STK33: variants seen among roughly 807,000 people sequenced by gnomAD.
The protein encoded by STK33 is serine/threonine kinase 33, also known as serine/threonine-protein kinase 33.
In STK33, 52 loss-of-function variants were observed where a neutral mutation model predicts 58.0. The ratio of observed to expected loss-of-function variants is 0.90; its 90% CI spans 0.72 to 1.13. STK33 has a LOEUF of 1.13. STK33 is among the 50% of genes most tolerant of loss of function. STK33 has a pLI of 0.00. For synonymous variants in STK33, 215 were observed against 200.1 expected (o/e 1.07, Z -0.63); for missense variants, 630 against 604.2 (o/e 1.04, Z -0.45).
At chr11:8,455,534 C>A (rs1355984744) in intron 9 of STK33, among the ~76,000 whole-genome samples, 1 of 152,088 alleles carries the variant, frequency 6.6e-6, no homozygotes, top group African/African-American at 2.4e-5. Flanking sequence ...CACGGCCAGG[C>A]GCAGTGGCTT....
chr11:8,510,222 T>TAAAAAA (rs1952201821), intron 1 of STK33, among the ~76,000 whole-genome samples: 1 of 152,256 alleles, frequency 6.6e-6, no homozygotes, highest in East Asian at 1.9e-4. Flanking sequence ...TATCTCATTG[T>TAAAAAA]GGTTTTAATT....
rs141415703 is a variant in STK33 at position 8,431,116 on chromosome 11, C to T, written c.1146+4378G>A. Among the ~76,000 whole-genome samples, 5 of 152,180 alleles carry T rather than the reference C, an allele frequency of 3.3e-5. No homozygotes were observed. The East Asian group carries it at 9.7e-4, about 29-fold the overall frequency. On this transcript the variant is annotated intron_variant, in intron 14 of 15. Coordinates refer to ENST00000687296, the MANE Select transcript of STK33 (RefSeq NM_001352389.2). ...TCCTGACCTTGTGATCCGCCTGCCT[C>T]GGCCTCCCAAAGTGCTGGGATTACA...
At chr11:8,471,941 T>C (rs539721797) in intron 6 of STK33, among the ~76,000 whole-genome samples, 7 of 152,300 alleles carry the variant, frequency 4.6e-5, no homozygotes, top group Admixed American at 1.3e-4. Context: ...TTTACTGTTT[T>C]TGGAGACAAG....
At chr11:8,463,512 G>A (rs76341793) in intron 7 of STK33, among the ~76,000 whole-genome samples, 348 of 152,218 alleles carry the variant, frequency 2.3e-3, no homozygotes, top group African/African-American at 8.0e-3. Flanking sequence ...AAGACCTGGG[G>A]GTTGGGGACC....
intron 1 of STK33, among the ~76,000 whole-genome samples, chr11:8,522,051 T>C (rs2139848246): frequency 6.6e-6 from 1 of 152,290 alleles, no homozygotes; most frequent in East Asian, 1.9e-4. Flanking sequence ...GCTCAACCAA[T>C]GTGGAAGACA....
intron 10 of STK33, among the ~76,000 whole-genome samples, chr11:8,453,425 C>T (rs1946513930): frequency 6.6e-6 from 1 of 152,076 alleles, no homozygotes; most frequent in Non-Finnish European, 1.5e-5. Flanking sequence ...CTTTTCTTTA[C>T]TATTGTTTCC....
At chr11:8,462,442 TAC>T (rs10635095) in intron 7 of STK33, among the ~76,000 whole-genome samples, 285 of 128,348 alleles carry the variant, frequency 2.2e-3, no homozygotes, top group Middle Eastern at 0.019. Flanking sequence ...TATACATATA[TAC>T]ACACACACAC....
At chr11:8,487,764 C>T (rs978247641) in intron 1 of STK33, among the ~76,000 whole-genome samples, 1 of 152,006 alleles carries the variant, frequency 6.6e-6, no homozygotes, top group African/African-American at 2.4e-5. Context: ...GCAAAAATGG[C>T]AGATTAAGGA....
At chr11:8,339,733 C>T in the STK33 span, among the ~76,000 whole-genome samples, 1 of 152,232 alleles carries the variant, frequency 6.6e-6, no homozygotes, top group Admixed American at 6.5e-5. Flanking sequence ...GTCACCTGGC[C>T]GTGGTCGCCA....
the STK33 span, among the ~76,000 whole-genome samples, chr11:8,353,580 T>A: frequency 6.6e-6 from 1 of 152,056 alleles, no homozygotes; most frequent in Non-Finnish European, 1.5e-5. Context: ...ACCTAGACAT[T>A]TAAGCCAAAA....
chr11:8,558,564 A>G lies in STK33; in HGVS notation c.-466+35519T>C, dbSNP rs1956920538. Among the ~76,000 whole-genome samples the G allele has an allele frequency of 1.3e-5, 2 of 152,176 alleles. 1 individual carries two copies. The highest frequency in any genetic ancestry group is 2.9e-5 in the Non-Finnish European group (2 of 68,018). On this transcript the variant is annotated intron_variant, in intron 1 of 15. Coordinates refer to ENST00000687296, the MANE Select transcript of STK33 (RefSeq NM_001352389.2). ...TTGAAAGACTGTAGTTTTTGAATTA[A>G]TCAAGGGTGCCAGAAAGAAGGTTAT...
At chr11:8,465,939 T>C (rs1948130506) in intron 6 of STK33, 2 of 152,566 alleles carry the variant, frequency 1.3e-5, no homozygotes, top group African/African-American at 4.8e-5. Flanking sequence ...ACATCTTACA[T>C]GGATGGAAGC....
chr11:8,340,531 C>A, the STK33 span, among the ~76,000 whole-genome samples: 1 of 152,242 alleles, frequency 6.6e-6, no homozygotes, highest in Non-Finnish European at 1.5e-5. Flanking sequence ...CTGTGATTAT[C>A]CTCTTCCCTT....
intron 11 of STK33, among the ~76,000 whole-genome samples, chr11:8,449,897 G>C (rs927637165): frequency 6.6e-6 from 1 of 152,156 alleles, no homozygotes; most frequent in African/African-American, 2.4e-5. Context: ...AAAAAGTCAG[G>C]AAACAACAGA....
chr11:8,435,664 T>C (rs1943972320), intron 13 of STK33, 85 bp from the exon 14 acceptor site: 2 of 706,172 alleles, frequency 2.8e-6, no homozygotes, highest in African/African-American at 1.8e-5. Context: ...ATTAGGTCAG[T>C]ATAACAGGAA....
intron 1 of STK33, among the ~76,000 whole-genome samples, chr11:8,501,826 T>A (rs1951536250): frequency 6.6e-6 from 1 of 152,156 alleles, no homozygotes; most frequent in Admixed American, 6.5e-5. Context: ...AGCTGATGAA[T>A]AAAGAAAACA....
At chr11:8,574,086 T>C (rs1034686896) in intron 1 of STK33, among the ~76,000 whole-genome samples, 2 of 152,180 alleles carry the variant, frequency 1.3e-5, no homozygotes, top group African/African-American at 2.4e-5. Context: ...AGTCCCTCAG[T>C]GGCCCCTCTC....
chr11:8,519,984 C>T (rs1953240302), intron 1 of STK33, among the ~76,000 whole-genome samples: 1 of 152,196 alleles, frequency 6.6e-6, no homozygotes, highest in Non-Finnish European at 1.5e-5. Context: ...TCCTCCCTAG[C>T]TCATTTTATG....
chr11:8,435,562 G>A lies in STK33; in HGVS notation c.1078C>T (p.Gln360Ter). Reference sequence around the variant, plus strand: ...TGAGCAGGATCTACTTTCATAAGTTGTTTCAAAACACTTTTAGCTAAAAAT... The same window carrying A: ...TGAGCAGGATCTACTTTCATAAGTTATTTCAAAACACTTTTAGCTAAAAAT... Reference protein sequence around the residue: ...ISDCAKSVLKQLMKVDPAHRI... With the variant: ...ISDCAKSVLK The change falls in exon 14 of 16, where the codon CAA (glutamine) becomes TAA (stop). Residue 360 changes from glutamine (Q) to a stop codon, truncating the protein, a stop_gained. Coordinates refer to ENST00000687296, the MANE Select transcript of STK33 (RefSeq NM_001352389.2). LOFTEE classifies it high-confidence loss of function. 6.7e-7 allele frequency: 1 copy of A among 1,492,610 alleles called. No individual in the cohort carries two copies. The highest frequency in any genetic ancestry group is 9.0e-7 in the Non-Finnish European group (1 of 1,110,796). The allele number at this position is 1,492,610 out of a possible 1,614,324, so 92.5% of individuals were successfully genotyped here. A position where few individuals can be genotyped will look rare whatever the true frequency, so the allele number is the denominator to read the frequency against.
Sources: gnomAD v4.1 joint callset for allele counts (sites outside exome capture counted in the v4.1 genomes callset) on GRCh38, gnomAD v4.1.1 for gene constraint, MANE v1.5 for transcripts, NCBI Gene and HGNC (gene_info 2026-07-23, HGNC 2026-07-21) for gene names.